PRKG1: variants seen among roughly 807,000 people sequenced by gnomAD.
The protein encoded by PRKG1 is cGMP-dependent protein kinase 1.
Under a neutral mutation model 88.1 loss-of-function variants are expected in PRKG1, and 35 were observed. The ratio of observed to expected loss-of-function variants is 0.40; its 90% CI spans 0.30 to 0.53. PRKG1 has a LOEUF of 0.53. Ranked by LOEUF, PRKG1 falls within the 20% of genes least tolerant of loss-of-function variation. The probability of loss-of-function intolerance (pLI) is 0.59; values close to 1 mark genes in which losing one functional copy is unlikely to be tolerated. For synonymous variants in PRKG1, 303 were observed against 292.5 expected, an observed-to-expected ratio of 1.04 and a Z score of -0.37; for missense variants, 540 against 839.8, an observed-to-expected ratio of 0.64 and a Z score of 4.41.
chr10:51,953,950 T>C (rs1843244267), intron 5 of PRKG1, among the ~76,000 whole-genome samples: 1 of 152,172 alleles, frequency 6.6e-6, no homozygotes, highest in African/African-American at 2.4e-5. Flanking sequence ...CTGAGCAAAA[T>C]GAGGCATTTA....
chr10:51,068,519 C>A (rs1045217574), intron 1 of PRKG1: 14 of 151,996 alleles, frequency 9.2e-5, no homozygotes, highest in African/African-American at 2.7e-4. Context: ...AGCAAAACTT[C>A]AGTTTTCTTT....
intron 9 of PRKG1, among the ~76,000 whole-genome samples, chr10:52,179,630 C>T (rs1222949121): frequency 6.6e-6 from 1 of 152,124 alleles, no homozygotes; most frequent in African/African-American, 2.4e-5. Flanking sequence ...GGATGTCTAT[C>T]TCACAGGGCT....
At chr10:51,046,524 T>C (rs961139969) in intron 1 of PRKG1, among the ~76,000 whole-genome samples, 1 of 152,340 alleles carries the variant, frequency 6.6e-6, no homozygotes, top group Admixed American at 6.5e-5. Context: ...AAATCTTTCC[T>C]GGGAAAGAAA....
chr10:51,753,169 G>A (rs1008598602), intron 3 of PRKG1, among the ~76,000 whole-genome samples: 1 of 151,872 alleles, frequency 6.6e-6, no homozygotes, highest in Non-Finnish European at 1.5e-5. Flanking sequence ...TGGAAAAATG[G>A]CACTTTTTTT....
chr10:51,601,613 G>A (rs948986839), intron 3 of PRKG1, among the ~76,000 whole-genome samples: 1 of 151,154 alleles, frequency 6.6e-6, no homozygotes, highest in Non-Finnish European at 1.5e-5. Flanking sequence ...CCAAATCAAA[G>A]TGAGCATGTG....
At chr10:51,788,949 A>G (rs1838799384) in intron 3 of PRKG1, among the ~76,000 whole-genome samples, 1 of 152,216 alleles carries the variant, frequency 6.6e-6, no homozygotes, top group Admixed American at 6.5e-5. Flanking sequence ...CAGAAAGAGA[A>G]GCATTCTAAG....
chr10:52,208,643 A>G (rs990800965), intron 9 of PRKG1, among the ~76,000 whole-genome samples: 9 of 152,236 alleles, frequency 5.9e-5, no homozygotes, highest in Non-Finnish European at 1.0e-4. Context: ...GTTTCAAGTA[A>G]CACTGTATCC....
rs146332321 is a variant in PRKG1, at chr10:51,749,571, G to C, written c.593-55014G>C. Among the ~76,000 whole-genome samples, 23 of 152,258 alleles carry C rather than the reference G, an allele frequency of 1.5e-4. No individual in the cohort carries two copies. The East Asian group carries it at 4.2e-3, about 28-fold the overall frequency. ...CCCCAAAGCCCTGTCTCCAAATGTA[G>C]TCACATTTGGGGGTTAGATCTTCAA... is the stretch of plus-strand genomic sequence containing the variant. On this transcript the variant is annotated intron_variant, in intron 3 of 17. Coordinates refer to ENST00000373980, the MANE Select transcript of PRKG1 (RefSeq NM_006258.4).
chr10:51,847,104 GC>G (rs2052478923), intron 4 of PRKG1, among the ~76,000 whole-genome samples: 1 of 152,062 alleles, frequency 6.6e-6, no homozygotes, highest in Non-Finnish European at 1.5e-5. Flanking sequence ...ACATTCCTTG[GC>G]CTCCCTGAAT....
At chr10:51,041,336 C>G (rs1389880257) in intron 1 of PRKG1, among the ~76,000 whole-genome samples, 2 of 152,128 alleles carry the variant, frequency 1.3e-5, no homozygotes, top group African/African-American at 2.4e-5. Context: ...AGCTGGTACC[C>G]AAGCTGCAAG....
chr10:51,901,029 G>A (rs886104165), intron 4 of PRKG1, among the ~76,000 whole-genome samples: 1 of 151,918 alleles, frequency 6.6e-6, no homozygotes, highest in Non-Finnish European at 1.5e-5. Context: ...TTTTTCTATG[G>A]TGAGTGTGTG....
intron 3 of PRKG1, among the ~76,000 whole-genome samples, chr10:51,749,620 A>T (rs1247736679): frequency 6.6e-6 from 1 of 152,166 alleles, no homozygotes; most frequent in Non-Finnish European, 1.5e-5. Flanking sequence ...AGGGAGGGTA[A>T]AATTGTCCTC....
intron 3 of PRKG1, among the ~76,000 whole-genome samples, chr10:51,497,922 A>G (rs1179913720): frequency 2.0e-5 from 3 of 152,064 alleles, no homozygotes; most frequent in Admixed American, 6.6e-5. Context: ...TTGTGTGTAG[A>G]GATTATTTCT....
rs71032630 is a variant in PRKG1 at position 52,224,808 on chromosome 10, CATATATATAT to C, written c.1077-26740_1077-26731del. Among the ~76,000 whole-genome samples, 271 of 106,144 alleles carry C rather than the reference CATATATATAT, an allele frequency of 2.6e-3. 5 individuals carry two copies. The highest frequency in any genetic ancestry group is 2.9e-3 in the Non-Finnish European group (150 of 52,130). 69.6% of individuals were successfully genotyped at this position (106,144 alleles called of 152,430 possible). On this transcript the variant is annotated intron_variant, in intron 9 of 17. Transcript: ENST00000373980. ...TTTTTATGGCTGCATAGTATTCCAT[CATATATATAT>C]ATATATATATATATATATATACATA...
intron 3 of PRKG1, among the ~76,000 whole-genome samples, chr10:51,578,258 A>G (rs1250308122): frequency 2.0e-5 from 3 of 152,156 alleles, no homozygotes; most frequent in Non-Finnish European, 2.9e-5. Flanking sequence ...CTTTAGCTTG[A>G]AGACTTAACT....
chr10:51,237,420 T>C (rs989247850), intron 2 of PRKG1, among the ~76,000 whole-genome samples: 1 of 152,170 alleles, frequency 6.6e-6, no homozygotes, highest in Non-Finnish European at 1.5e-5. Context: ...CACATTTGCA[T>C]ATCCAGTGGG....
chr10:51,686,040 G>A (rs1372013642), intron 3 of PRKG1, among the ~76,000 whole-genome samples: 1 of 152,036 alleles, frequency 6.6e-6, no homozygotes, highest in African/African-American at 2.4e-5. Context: ...GTAATCCTGG[G>A]TAAATGAAAG....
At chr10:51,957,552 C>T (rs999867463) in intron 5 of PRKG1, among the ~76,000 whole-genome samples, 1 of 152,108 alleles carries the variant, frequency 6.6e-6, no homozygotes, top group African/African-American at 2.4e-5. Flanking sequence ...ACTGGCTTCC[C>T]CAATTGCTGA....
chr10:52,071,344 T>TGTTCACATGAACTCAATGTTCAGC lies in PRKG1; in HGVS notation c.935+8714_935+8737dup, dbSNP rs1208518815. On this transcript the variant is annotated intron_variant, in intron 7 of 17. Coordinates refer to ENST00000373980, the MANE Select transcript of PRKG1 (RefSeq NM_006258.4). The stretch of plus-strand genomic sequence containing the variant: ...CTAGTGTCTATTGTTCCCATGATGG[T>TGTTCACATGAACTCAATGTTCAGC]GTTCACATGAACTCAATGTTCAGCT... Among the ~76,000 whole-genome samples, 6 of 152,176 alleles carry TGTTCACATGAACTCAATGTTCAGC rather than the reference T, an allele frequency of 3.9e-5. No homozygotes were observed. The South Asian group carries it at 8.3e-4, about 21-fold the overall frequency.
Sources: allele counts gnomAD v4.1 joint callset (sites outside exome capture counted in the v4.1 genomes callset), GRCh38; gene constraint gnomAD v4.1.1; transcripts MANE v1.5; gene names NCBI Gene and HGNC (gene_info 2026-07-23, HGNC 2026-07-21).